The following SCN8A variants were observed in gnomAD, a reference collection of about 807,000 sequenced individuals.
SCN8A encodes the protein sodium voltage-gated channel alpha subunit 8, also known as sodium channel protein type 8 subunit alpha.
A neutral mutation model predicts 184.1 loss-of-function variants in SCN8A; 30 were observed. The observed-to-expected ratio is 0.16, with a 90% CI of 0.12 to 0.22. The LOEUF (loss-of-function observed/expected upper bound fraction) is 0.22. SCN8A is among the 10% of genes least tolerant of loss of function. The pLI is 1.00. For missense variants in SCN8A, 1,057 were observed against 2,498.9 expected (o/e 0.42, Z 12.30); for synonymous variants, 852 against 907.0 (o/e 0.94, Z 1.09).
At chr12:51,653,967 T>C (rs1940770944) in intron 1 of SCN8A, among the ~76,000 whole-genome samples, 1 of 152,242 alleles carries the variant, frequency 6.6e-6, no homozygotes, top group Non-Finnish European at 1.5e-5. Flanking sequence ...TGAACATCTT[T>C]TCATGTGCTT....
At chr12:51,670,014 T>C (rs901794175) in intron 2 of SCN8A, among the ~76,000 whole-genome samples, 11 of 152,244 alleles carry the variant, frequency 7.2e-5, no homozygotes, top group African/African-American at 2.7e-4. Flanking sequence ...TTTAAAACTT[T>C]GGTTTATTTT....
intron 20 of SCN8A, among the ~76,000 whole-genome samples, chr12:51,776,597 T>A (rs554543172): frequency 6.6e-6 from 1 of 152,348 alleles, no homozygotes; most frequent in East Asian, 1.9e-4. Flanking sequence ...GACTCCAGGC[T>A]TGTGCTAGGT....
rs557825933 is a variant in SCN8A at position 51,766,348 on chromosome 12, G to T, written c.2901+321G>T. The T allele has an allele frequency of 7.7e-5, 28 of 364,992 alleles. No homozygotes were observed. In the Admixed American group the frequency reaches 9.0e-4, roughly 12 times the overall value. 22.6% of individuals were successfully genotyped at this position (364,992 alleles called of 1,614,324 possible). The stretch of plus-strand genomic sequence containing the variant: ...TAGACTTTAAAGTCTGTGCCCGTTC[G>T]CCTACAGAAGCCTTCCTTTTTCTTA... On this transcript the variant is annotated intron_variant, in intron 16 of 26. Coordinates refer to ENST00000627620, the MANE Select transcript of SCN8A (RefSeq NM_001330260.2).
At chr12:51,621,206 A>G (rs1026834576) in intron 1 of SCN8A, among the ~76,000 whole-genome samples, 2 of 152,194 alleles carry the variant, frequency 1.3e-5, no homozygotes, top group Non-Finnish European at 2.9e-5. Flanking sequence ...TTGCTTTTTA[A>G]CTTCATAAAA....
intron 11 of SCN8A, among the ~76,000 whole-genome samples, chr12:51,720,206 C>T (rs1246609736): frequency 6.7e-6 from 1 of 148,348 alleles, no homozygotes; most frequent in Non-Finnish European, 1.5e-5. Flanking sequence ...GAATTATATA[C>T]TTTACAACTA....
At chr12:51,709,884 A>C (rs1941845870) in intron 11 of SCN8A, among the ~76,000 whole-genome samples, 1 of 152,194 alleles carries the variant, frequency 6.6e-6, no homozygotes, top group South Asian at 2.1e-4. Context: ...GAGGTGGATA[A>C]ATTTGTAGAA....
chr12:51,720,841 G>T (rs930864396), intron 11 of SCN8A, among the ~76,000 whole-genome samples: 1 of 151,704 alleles, frequency 6.6e-6, no homozygotes, highest in South Asian at 2.1e-4. Context: ...CGAGGCGGGT[G>T]GATCACCTGA....
chr12:51,764,613 C>T (rs756631553), intron 15 of SCN8A, among the ~76,000 whole-genome samples: 9 of 151,662 alleles, frequency 5.9e-5, no homozygotes, highest in Admixed American at 6.6e-5. Context: ...CCAGCCTGGG[C>T]GGCAGAGTGA....
intron 2 of SCN8A, among the ~76,000 whole-genome samples, chr12:51,668,109 G>C (rs749117144): frequency 5.9e-5 from 9 of 151,660 alleles, no homozygotes; most frequent in Non-Finnish European, 1.0e-4. Context: ...CTTGAACCCG[G>C]GAGGTGGAGG....
intron 1 of SCN8A, among the ~76,000 whole-genome samples, chr12:51,624,181 C>T (rs182358853): frequency 0.066 from 10,095 of 152,212 alleles, 1,114 homozygotes; most frequent in African/African-American, 0.23. Flanking sequence ...CCTGAGGAAT[C>T]GCCACACTGA....
intron 25 of SCN8A, among the ~76,000 whole-genome samples, chr12:51,793,101 G>A (rs1312090481): frequency 6.6e-6 from 1 of 152,124 alleles, no homozygotes; most frequent in African/African-American, 2.4e-5. Context: ...GGACTGCATT[G>A]GATGAGGGCA....
intron 12 of SCN8A, among the ~76,000 whole-genome samples, chr12:51,744,245 G>A (rs1942472486): frequency 6.6e-6 from 1 of 152,228 alleles, no homozygotes; most frequent in Admixed American, 6.5e-5. Context: ...AGAGGTTGCG[G>A]TAAGCCGAGA....
At chr12:51,632,302 G>A (rs973099996) in intron 1 of SCN8A, among the ~76,000 whole-genome samples, 1 of 152,178 alleles carries the variant, frequency 6.6e-6, no homozygotes, top group African/African-American at 2.4e-5. Flanking sequence ...TCTGCTAAGT[G>A]GGGGAAATAA....
intron 2 of SCN8A, among the ~76,000 whole-genome samples, chr12:51,675,637 C>A (rs1941210506): frequency 6.6e-6 from 1 of 152,180 alleles, no homozygotes; most frequent in Non-Finnish European, 1.5e-5. Flanking sequence ...GTGCTGTGAC[C>A]TTAGTTTGGG....
intron 2 of SCN8A, among the ~76,000 whole-genome samples, chr12:51,667,373 ATT>A (rs1250943114): frequency 1.4e-5 from 2 of 146,276 alleles, no homozygotes; most frequent in Non-Finnish European, 1.5e-5. Flanking sequence ...ACTTACTATT[ATT>A]TTTTTTTTTG....
In SCN8A at chr12:51,797,242, C is replaced by T. The variant is rs115718343; in HGVS notation, c.4795+2601C>T. Among the ~76,000 whole-genome samples, 245 of 152,236 alleles carry T rather than the reference C, an allele frequency of 1.6e-3. 1 individual carries two copies. Among genetic ancestry groups the T allele is most frequent in the African/African-American group, 3.7e-3 (153 of 41,542 alleles). On this transcript the variant is annotated intron_variant, in intron 26 of 26. Coordinates refer to ENST00000627620, the MANE Select transcript of SCN8A (RefSeq NM_001330260.2). ...CAGCTATCCTTCATACAACCAGAAG[C>T]GCACTAATCCTTAACCTGAATGCTA...
intron 6 of SCN8A, among the ~76,000 whole-genome samples, chr12:51,694,488 G>A (rs1237178215): frequency 6.6e-6 from 1 of 152,164 alleles, no homozygotes; most frequent in Non-Finnish European, 1.5e-5. Context: ...GAATCCAGCT[G>A]TCTTTTCTTG....
chr12:51,704,391 C>T (rs931545452), intron 9 of SCN8A, among the ~76,000 whole-genome samples: 8 of 151,932 alleles, frequency 5.3e-5, no homozygotes, highest in East Asian at 1.9e-4. Context: ...ATTTCCTGGC[C>T]GGACACAGTG....
intron 19 of SCN8A, among the ~76,000 whole-genome samples, chr12:51,772,460 G>T: frequency 6.6e-6 from 1 of 151,880 alleles, no homozygotes; most frequent in Non-Finnish European, 1.5e-5. Context: ...CTAGAACGTG[G>T]TTACAATGGG....
Sources: allele counts gnomAD v4.1 joint callset (sites outside exome capture counted in the v4.1 genomes callset), GRCh38; gene constraint gnomAD v4.1.1; transcripts MANE v1.5; gene names NCBI Gene and HGNC (gene_info 2026-07-23, HGNC 2026-07-21).